Variants in FBXW8 observed in about 807,000 individuals in gnomAD.
The protein encoded by FBXW8 is F-box/WD repeat-containing protein 8.
A neutral mutation model predicts 65.3 loss-of-function variants in FBXW8; 57 were observed. That is an observed-to-expected ratio of 0.87 (90% CI 0.71 to 1.09). The LOEUF (loss-of-function observed/expected upper bound fraction) is 1.09, where lower values mean the gene tolerates loss of function less well. FBXW8 is among the 50% of genes least tolerant of loss of function. FBXW8 has a pLI of 0.00. For missense variants in FBXW8, 777 were observed against 814.8 expected (o/e 0.95, Z 0.57); for synonymous variants, 308 against 330.2 (o/e 0.93, Z 0.73).
At chr12:117,016,487 AGAG>A (rs1953948681) in intron 8 of FBXW8, among the ~76,000 whole-genome samples, 2 of 143,164 alleles carry the variant, frequency 1.4e-5, no homozygotes, top group Non-Finnish European at 3.0e-5. Flanking sequence ...TTGAGTTATT[AGAG>A]TATTTTTTTA....
intron 2 of FBXW8, among the ~76,000 whole-genome samples, chr12:116,941,254 C>A (rs1314666367): frequency 6.6e-6 from 1 of 152,240 alleles, no homozygotes; most frequent in Admixed American, 6.5e-5. Context: ...TGAGGAGATA[C>A]ACCTAGTTGA....
chr12:116,964,915 A>G (rs1884221227), intron 5 of FBXW8, 61 bp downstream of exon 5: 1 of 1,514,820 alleles, frequency 6.6e-7, no homozygotes, highest in Non-Finnish European at 8.8e-7. Context: ...AAAATTAAGC[A>G]GCTGTGGCCG....
intron 5 of FBXW8, among the ~76,000 whole-genome samples, chr12:116,974,546 A>G (rs1168132713): frequency 6.6e-6 from 1 of 152,260 alleles, no homozygotes; most frequent in Admixed American, 6.5e-5. Context: ...ATTTTGCATC[A>G]GAATAAACTT....
intron 1 of FBXW8, among the ~76,000 whole-genome samples, chr12:116,925,161 G>A (rs1881222133): frequency 6.6e-6 from 1 of 152,094 alleles, no homozygotes; most frequent in Admixed American, 6.5e-5. Flanking sequence ...TTTCCTTTCA[G>A]AGAGGTCCTG....
rs1050077671 is a variant in FBXW8, at chr12:116,911,336, A to G, written c.299A>G (p.Asp100Gly). The change falls in exon 1 of 11, where the codon GAC becomes GGC. Residue 100 changes from aspartate (D) to glycine (G), a missense_variant. Coordinates refer to ENST00000652555, the MANE Select transcript of FBXW8 (RefSeq NM_153348.3). Reference protein sequence around the residue: ...EGAGGGEQLVDQLIRDLNEMN... With the variant: ...EGAGGGEQLVGQLIRDLNEMN... ...GCCGGGGGCGGGGAGCAGCTGGTGG[A>G]CCAGCTCATCCGCGACCTGGTGAGT... The G allele has an allele frequency of 1.2e-4, 151 of 1,283,202 alleles. No individual in the cohort carries two copies. The highest frequency in any genetic ancestry group is 1.4e-4 in the Non-Finnish European group (144 of 1,019,468). The allele number at this position is 1,283,202 out of a possible 1,614,324, so 79.5% of individuals were successfully genotyped here.
intron 7 of FBXW8, among the ~76,000 whole-genome samples, chr12:116,992,850 A>G (rs1038768970): frequency 6.7e-6 from 1 of 149,472 alleles, no homozygotes. Flanking sequence ...TTGGTTTCTT[A>G]TCTTTGCAGT....
At chr12:117,011,103 T>C (rs1371332313) in intron 8 of FBXW8, among the ~76,000 whole-genome samples, 2 of 151,512 alleles carry the variant, frequency 1.3e-5, no homozygotes, top group African/African-American at 4.9e-5. Context: ...TCCCCGCCTC[T>C]TCTTTCCTTG....
intron 8 of FBXW8, among the ~76,000 whole-genome samples, chr12:117,018,375 G>C (rs1207365928): frequency 6.6e-6 from 1 of 152,214 alleles, no homozygotes; most frequent in Non-Finnish European, 1.5e-5. Context: ...TTTGTCCCTG[G>C]AATCGGTTGT....
chr12:117,002,019 C>T (rs1037233953), intron 7 of FBXW8, among the ~76,000 whole-genome samples: 2 of 152,172 alleles, frequency 1.3e-5, no homozygotes, highest in Admixed American at 1.3e-4. Flanking sequence ...TGGTTTTTGC[C>T]TGGATTTGTA....
At chr12:117,000,145 CT>C (rs1181243371) in intron 7 of FBXW8, among the ~76,000 whole-genome samples, 1 of 152,170 alleles carries the variant, frequency 6.6e-6, no homozygotes, top group East Asian at 1.9e-4. Flanking sequence ...CCACGCCTGC[CT>C]TTTGTATTTT....
At chr12:116,911,748 C>G (rs1430546524) in intron 1 of FBXW8, among the ~76,000 whole-genome samples, 1 of 152,128 alleles carries the variant, frequency 6.6e-6, no homozygotes, top group Non-Finnish European at 1.5e-5. Flanking sequence ...CTCTTGAAGG[C>G]TACCTAAACT....
intron 8 of FBXW8, among the ~76,000 whole-genome samples, chr12:117,019,135 T>C (rs905896705): frequency 1.3e-4 from 20 of 152,216 alleles, no homozygotes; most frequent in African/African-American, 4.8e-4. Context: ...CAAAGTCATC[T>C]TCAAGCTCTC....
At chr12:117,014,614 T>G (rs892579874) in intron 8 of FBXW8, among the ~76,000 whole-genome samples, 2 of 152,258 alleles carry the variant, frequency 1.3e-5, no homozygotes, top group Non-Finnish European at 1.5e-5. Flanking sequence ...GAACAGGCAG[T>G]CACCCTGGTT....
In FBXW8 at chr12:116,981,609, A is replaced by G. The variant is rs879619165; in HGVS notation, c.836-3597A>G. On this transcript the variant is annotated intron_variant, in intron 5 of 10. Coordinates refer to ENST00000652555, the MANE Select transcript of FBXW8 (RefSeq NM_153348.3). ...AAGAAATGGAAGTATGCTGCTGTGA[A>G]GTTCTTTTTTTTTTTTTTAATTGAG... Among the ~76,000 whole-genome samples, 102 of 115,762 alleles carry G rather than the reference A, an allele frequency of 8.8e-4. 1 individual carries two copies. The highest frequency in any genetic ancestry group is 7.4e-4 in the Non-Finnish European group (37 of 49,710). The allele number at this position is 115,762 out of a possible 152,430, so 75.9% of individuals were successfully genotyped here. A position where few individuals can be genotyped will look rare whatever the true frequency, so the allele number is the denominator to read the frequency against.
intron 8 of FBXW8, among the ~76,000 whole-genome samples, chr12:117,019,496 G>A (rs761479409): frequency 1.8e-4 from 28 of 152,126 alleles, no homozygotes; most frequent in Non-Finnish European, 3.7e-4. Context: ...ATTCACTTGG[G>A]TTGCCTTGTC....
At chr12:117,023,246 C>T (rs189783420) in intron 8 of FBXW8, among the ~76,000 whole-genome samples, 101 of 152,288 alleles carry the variant, frequency 6.6e-4, no homozygotes, top group Middle Eastern at 3.4e-3. Context: ...TTGGGTCAGA[C>T]GTGCGTTTTT....
intron 7 of FBXW8, among the ~76,000 whole-genome samples, chr12:116,995,836 G>A (rs1196186281): frequency 3.9e-5 from 6 of 152,150 alleles, no homozygotes; most frequent in African/African-American, 1.2e-4. Context: ...CAGTGTGAAC[G>A]CTGTTAATGT....
intron 4 of FBXW8, among the ~76,000 whole-genome samples, chr12:116,963,719 C>G (rs1477593565): frequency 3.3e-5 from 5 of 152,224 alleles, no homozygotes; most frequent in Non-Finnish European, 1.5e-5. Context: ...GAGGTTATCT[C>G]ATCAACTCGG....
At chr12:117,014,715 T>C (rs1225360583) in intron 8 of FBXW8, among the ~76,000 whole-genome samples, 4 of 152,228 alleles carry the variant, frequency 2.6e-5, no homozygotes, top group African/African-American at 9.7e-5. Context: ...TATGCTGTTT[T>C]TGGTCTGCGC....
Sources: gnomAD v4.1 joint callset for allele counts (sites outside exome capture counted in the v4.1 genomes callset) on GRCh38, gnomAD v4.1.1 for gene constraint, MANE v1.5 for transcripts, NCBI Gene and HGNC (gene_info 2026-07-23, HGNC 2026-07-21) for gene names.